STPG2: variants seen among roughly 807,000 people sequenced by gnomAD.
STPG2 encodes sperm-tail PG-rich repeat-containing protein 2.
STPG2 carries 56 observed loss-of-function variants against 54.2 expected under a neutral mutation model. The observed-to-expected ratio is 1.03, with a 90% CI of 0.83 to 1.29. STPG2 has a LOEUF of 1.29. Ranked by LOEUF, STPG2 falls within the 50% of genes most tolerant of loss-of-function variation. The pLI is 0.00. For synonymous variants in STPG2, 200 were observed against 181.8 expected (o/e 1.10, Z -0.81); for missense variants, 596 against 544.9 (o/e 1.09, Z -0.93).
intron 9 of STPG2, among the ~76,000 whole-genome samples, chr4:97,746,657 C>T (rs1008475865): frequency 1.3e-5 from 2 of 151,096 alleles, no homozygotes; most frequent in African/African-American, 4.8e-5. Context: ...TAATGACTAG[C>T]AGTGGAATAA....
chr4:98,082,886 C>T (rs1339494731), intron 5 of STPG2, among the ~76,000 whole-genome samples: 1 of 152,152 alleles, frequency 6.6e-6, no homozygotes, highest in Non-Finnish European at 1.5e-5. Flanking sequence ...CAAAGCCCTT[C>T]TACCACAATC....
rs528645646 is a variant in STPG2 at position 97,831,361 on chromosome 4, A to G, written c.1204+9412T>C. ...CACAATGTAGTAGAATCTCTGGGAC[A>G]TATTTAAAGCAGTGTGTAGAGAAAA... is the stretch of plus-strand genomic sequence containing the variant. On this transcript the variant is annotated intron_variant, in intron 9 of 10. Transcript: ENST00000295268. Among the ~76,000 whole-genome samples, 5 of 152,308 alleles carry G rather than the reference A, an allele frequency of 3.3e-5. No individual in the cohort carries two copies. In the South Asian group the frequency reaches 8.3e-4, roughly 25 times the overall value.
At chr4:97,655,551 G>A (rs995191191) in intron 10 of STPG2, among the ~76,000 whole-genome samples, 1 of 151,910 alleles carries the variant, frequency 6.6e-6, no homozygotes, top group Non-Finnish European at 1.5e-5. Flanking sequence ...ATGAAGAGAT[G>A]AAATAAAAGC....
chr4:97,583,066 T>A (rs1201673809), intron 10 of STPG2, among the ~76,000 whole-genome samples: 1 of 152,032 alleles, frequency 6.6e-6, no homozygotes, highest in Non-Finnish European at 1.5e-5. Context: ...ACTTGTTAAG[T>A]CTCATCATTT....
At chr4:97,997,720 G>C (rs10001701) in intron 5 of STPG2, among the ~76,000 whole-genome samples, 59,811 of 151,980 alleles carry the variant, frequency 0.39, 11,920 homozygotes, top group Middle Eastern at 0.46. Flanking sequence ...AACATAGATG[G>C]AGCTGGAGGT....
intron 8 of STPG2, among the ~76,000 whole-genome samples, chr4:97,938,604 G>A (rs1221497480): frequency 6.6e-6 from 1 of 152,164 alleles, no homozygotes; most frequent in Non-Finnish European, 1.5e-5. Flanking sequence ...GGGCTCACAA[G>A]TGGGATCTTC....
chr4:97,859,225 T>A lies in STPG2; in HGVS notation c.1045-18293A>T, dbSNP rs534620193. On this transcript the variant is annotated intron_variant, in intron 8 of 10. Transcript: ENST00000295268. ...AGAGTTGTCTATTCATGTCCTTTGG[T>A]CACTTTTTGATGGGATTACATGGGG... is the stretch of plus-strand genomic sequence containing the variant. Among the ~76,000 whole-genome samples, 4 of 152,264 alleles carry A rather than the reference T, an allele frequency of 2.6e-5. No homozygotes were observed. The East Asian group carries it at 7.7e-4, about 29-fold the overall frequency.
chr4:97,446,009 A>G (rs1270035150), intron 4 of STPG2, among the ~76,000 whole-genome samples: 2 of 152,212 alleles, frequency 1.3e-5, no homozygotes, highest in Non-Finnish European at 2.9e-5. Flanking sequence ...TTATATATTC[A>G]GTGTGTAACC....
intron 4 of STPG2, among the ~76,000 whole-genome samples, chr4:97,477,974 G>A (rs1730120186): frequency 6.6e-6 from 1 of 152,112 alleles, no homozygotes; most frequent in Non-Finnish European, 1.5e-5. Flanking sequence ...GCACAGGTAA[G>A]GCTTGTGAAG....
chr4:97,686,339 G>A (rs1159753509), intron 10 of STPG2, among the ~76,000 whole-genome samples: 1 of 151,736 alleles, frequency 6.6e-6, no homozygotes, highest in Admixed American at 6.6e-5. Context: ...CCCCACACCC[G>A]TAGGAAACTA....
intron 3 of STPG2, among the ~76,000 whole-genome samples, chr4:98,124,894 AATC>A (rs1219957710): frequency 6.6e-6 from 1 of 152,020 alleles, no homozygotes; most frequent in Non-Finnish European, 1.5e-5. Context: ...CTTTTTCTCT[AATC>A]ATGTCTGCCT....
intron 10 of STPG2, among the ~76,000 whole-genome samples, chr4:97,696,143 G>A (rs1723564793): frequency 6.6e-6 from 1 of 152,124 alleles, no homozygotes; most frequent in Non-Finnish European, 1.5e-5. Context: ...CACCAAAACA[G>A]CATATTACTG....
intron 7 of STPG2, among the ~76,000 whole-genome samples, chr4:97,961,047 C>T (rs1420724962): frequency 6.6e-6 from 1 of 151,548 alleles, no homozygotes; most frequent in African/African-American, 2.4e-5. Context: ...AACCTAAATA[C>T]TTACAGTCAA....
intron 4 of STPG2, among the ~76,000 whole-genome samples, chr4:97,443,702 AC>A (rs1729147959): frequency 6.6e-6 from 1 of 152,194 alleles, no homozygotes; most frequent in Non-Finnish European, 1.5e-5. Flanking sequence ...TATTTAAGGT[AC>A]CTGAGAAAAA....
chr4:97,863,686 A>G (rs1729649241), intron 8 of STPG2, among the ~76,000 whole-genome samples: 2 of 152,198 alleles, frequency 1.3e-5, no homozygotes, highest in Middle Eastern at 3.4e-3. Flanking sequence ...AAACATTGAC[A>G]CAAAAATCCT....
At chr4:97,869,500 A>T (rs557084317) in intron 8 of STPG2, among the ~76,000 whole-genome samples, 23 of 151,872 alleles carry the variant, frequency 1.5e-4, no homozygotes, top group South Asian at 1.5e-3. Context: ...TTAGATTTTT[A>T]AAAAATATTT....
chr4:97,777,724 T>C lies in STPG2; in HGVS notation c.1204+63049A>G, dbSNP rs554909100. Among the ~76,000 whole-genome samples the C allele has an allele frequency of 5.9e-5, 9 of 152,342 alleles. No homozygotes were observed. The South Asian group carries it at 1.9e-3, about 32-fold the overall frequency. ...AAGATAAATTCAGTTAACTTCTCTA[T>C]TCTAGATTTCATTATTTTAGATTAG... On this transcript the variant is annotated intron_variant, in intron 9 of 10. Transcript: ENST00000295268.
intron 9 of STPG2, among the ~76,000 whole-genome samples, chr4:97,733,924 T>C (rs1344710884): frequency 6.6e-6 from 1 of 152,230 alleles, no homozygotes; most frequent in Non-Finnish European, 1.5e-5. Context: ...TCTTCTAGTT[T>C]TCTATAAACA....
intron 4 of STPG2, among the ~76,000 whole-genome samples, chr4:97,476,112 T>C (rs1468571547): frequency 1.3e-5 from 2 of 152,180 alleles, no homozygotes; most frequent in African/African-American, 4.8e-5. Context: ...TGAATTAATA[T>C]ATTGTATTTA....
Sources: allele counts gnomAD v4.1 joint callset (sites outside exome capture counted in the v4.1 genomes callset), GRCh38; gene constraint gnomAD v4.1.1; transcripts MANE v1.5; gene names NCBI Gene and HGNC (gene_info 2026-07-23, HGNC 2026-07-21).